Variants in CYB5RL observed in about 807,000 individuals in gnomAD.
The protein encoded by CYB5RL is NADH-cytochrome b5 reductase-like.
Under a neutral mutation model 37.5 loss-of-function variants are expected in CYB5RL, and 38 were observed. The ratio of observed to expected loss-of-function variants is 1.01; its 90% CI spans 0.78 to 1.33. CYB5RL has a LOEUF of 1.33. Among genes scored for constraint, CYB5RL ranks in the 40% most tolerant of loss-of-function variants. CYB5RL has a pLI of 0.00. For missense variants in CYB5RL, 388 were observed against 394.4 expected, an observed-to-expected ratio of 0.98 and a Z score of 0.14; for synonymous variants, 141 against 151.9, an observed-to-expected ratio of 0.93 and a Z score of 0.53.
At chr1:54,176,640 C>T (rs1209216875) in intron 7 of CYB5RL, among the ~76,000 whole-genome samples, 2 of 152,238 alleles carry the variant, frequency 1.3e-5, no homozygotes, top group African/African-American at 2.4e-5. Context: ...TATGGTCTGA[C>T]CCACCAGATG....
In CYB5RL at chr1:54,177,835, T is replaced by G. The variant is rs572169982; in HGVS notation, c.744+1314A>C. ...AGGTGAGCAGCCGGAGGGCTGGGAG[T>G]GGGTCACCTTCACTGTTGTGTGTCT... On this transcript the variant is annotated intron_variant, in intron 7 of 7. Transcript: ENST00000534324. 4.5e-3 allele frequency among the ~76,000 whole-genome samples: 678 copies of G among 152,152 alleles called. 4 individuals carry two copies. The highest frequency in any genetic ancestry group is 0.015 in the African/African-American group (641 of 41,498).
intron 3 of CYB5RL, 47 bp downstream of exon 3, chr1:54,195,372 A>C: frequency 6.6e-7 from 1 of 1,504,046 alleles, no homozygotes; most frequent in Admixed American, 2.1e-5. Context: ...GGCCAAGGCA[A>C]GTAGATTGTT....
chr1:54,189,065 C>T (rs1356012991), intron 4 of CYB5RL, among the ~76,000 whole-genome samples: 1 of 152,122 alleles, frequency 6.6e-6, no homozygotes, highest in Non-Finnish European at 1.5e-5. Flanking sequence ...TGCCTGTAGT[C>T]CCAGTTACTT....
chr1:54,182,769 T>G (rs894860348), intron 6 of CYB5RL, among the ~76,000 whole-genome samples: 14 of 152,178 alleles, frequency 9.2e-5, no homozygotes, highest in Non-Finnish European at 1.9e-4. Flanking sequence ...GCCAGGCTGG[T>G]CTCAAACTCC....
rs1644002803 is a variant in CYB5RL at position 54,195,749 on chromosome 1, G to T, written c.-99-34C>A. 4 of 1,022,376 alleles carry T rather than the reference G, an allele frequency of 3.9e-6. No homozygotes were observed. In the South Asian group the frequency reaches 5.5e-5, roughly 14 times the overall value. 63.3% of individuals were successfully genotyped at this position (1,022,376 alleles called of 1,614,324 possible). A position where few individuals can be genotyped will look rare whatever the true frequency, so the allele number is the denominator to read the frequency against. ...GGGAAAACATGGGGGTTATTCTCTG[G>T]TCTCCTCTATTCCTCACATTCTCCA... is the stretch of plus-strand genomic sequence containing the variant. On this transcript the variant is annotated intron_variant, in intron 2 of 7. Transcript: ENST00000534324.
rs1484275054 is a variant in CYB5RL, at chr1:54,174,592, G to A, written c.*27C>T. The A allele has an allele frequency of 3.2e-6, 5 of 1,586,368 alleles. No homozygotes were observed. In the African/African-American group the frequency reaches 5.4e-5, roughly 17 times the overall value. On this transcript the variant is annotated 3_prime_UTR_variant, in exon 8 of 8. Transcript: ENST00000534324. ...CCTGGGTCCCAGTAGCAGGCTCATG[G>A]CCTAGGCTTTGGAAGAGAGGCCAGG...
chr1:54,186,568 G>A (rs917357635), intron 5 of CYB5RL, among the ~76,000 whole-genome samples: 21 of 152,228 alleles, frequency 1.4e-4, no homozygotes, highest in African/African-American at 5.1e-4. Context: ...CAGCCTTGCA[G>A]CTGGGAGAGA....
intron 3 of CYB5RL, among the ~76,000 whole-genome samples, chr1:54,192,321 A>G (rs747739822): frequency 2.1e-4 from 32 of 151,492 alleles, no homozygotes; most frequent in Non-Finnish European, 4.3e-4. Flanking sequence ...GGTAACTGGG[A>G]TCACAGACAT....
chr1:54,199,557 C>G (rs1644055481), intron 1 of CYB5RL, among the ~76,000 whole-genome samples: 1 of 152,218 alleles, frequency 6.6e-6, no homozygotes. Context: ...CTCAGCGCAG[C>G]GCCTGACACA....
Position 54,191,000 on chromosome 1 carries a change from G to T in CYB5RL, c.199-104C>A, listed in dbSNP as rs1015982941. The T allele has an allele frequency of 3.4e-6, 5 of 1,453,994 alleles. No homozygotes were observed. The Admixed American group carries it at 7.4e-5, about 22-fold the overall frequency. 90.1% of individuals were successfully genotyped at this position (1,453,994 alleles called of 1,614,324 possible). Reference sequence around the variant, plus strand: ...CCCCAAGGAGAGGCTGTCTTGGCTCGGGAAGTTTCCTGTAAACTGGACACT... The same window carrying T: ...CCCCAAGGAGAGGCTGTCTTGGCTCTGGAAGTTTCCTGTAAACTGGACACT... On this transcript the variant is annotated intron_variant, in intron 3 of 7. Coordinates refer to ENST00000534324, the MANE Select transcript of CYB5RL (RefSeq NM_001031672.4).
At chr1:54,184,302 T>G (rs749873456) in intron 5 of CYB5RL, 37 bp from the exon 6 acceptor site, 4 of 1,567,522 alleles carry the variant, frequency 2.6e-6, no homozygotes, top group Non-Finnish European at 3.5e-6. Context: ...GCGGGACAGG[T>G]ACATGCTGCC....
chr1:54,187,976 TG>T (rs1195689172), intron 4 of CYB5RL: 4 of 490,904 alleles, frequency 8.1e-6, no homozygotes, highest in Non-Finnish European at 1.5e-5. Flanking sequence ...CCTGGGAGGC[TG>T]AGTCACATGA....
At chr1:54,181,296 G>A (rs1392496755) in intron 6 of CYB5RL, among the ~76,000 whole-genome samples, 1 of 152,204 alleles carries the variant, frequency 6.6e-6, no homozygotes, top group African/African-American at 2.4e-5. Context: ...GCCACACTGT[G>A]CTGCTGTCAC....
intron 4 of CYB5RL, chr1:54,190,412 T>G (rs533454782): frequency 3.7e-5 from 20 of 540,890 alleles, no homozygotes; most frequent in African/African-American, 3.2e-4. Flanking sequence ...TGTGTGACCT[T>G]GGCAAGTTTC....
intron 3 of CYB5RL, among the ~76,000 whole-genome samples, chr1:54,194,301 C>T (rs536752586): frequency 2.6e-5 from 4 of 151,286 alleles, no homozygotes; most frequent in East Asian, 3.9e-4. Context: ...ACCTGGGAGG[C>T]GGAGGTTGCA....
intron 3 of CYB5RL, among the ~76,000 whole-genome samples, chr1:54,193,327 C>T (rs1271083095): frequency 6.6e-6 from 1 of 152,152 alleles, no homozygotes; most frequent in African/African-American, 2.4e-5. Context: ...GGACGATATA[C>T]ACATAAGAGT....
At chr1:54,195,316 T>C (rs1643996504) in intron 3 of CYB5RL, 103 bp downstream of exon 3, 1 of 1,309,786 alleles carries the variant, frequency 7.6e-7, no homozygotes, top group African/African-American at 1.5e-5. Context: ...TACTCTTTTC[T>C]TCTGCTGTAC....
At chr1:54,189,570 T>A (rs1333265256) in intron 4 of CYB5RL, among the ~76,000 whole-genome samples, 1 of 152,176 alleles carries the variant, frequency 6.6e-6, no homozygotes, top group South Asian at 2.1e-4. Flanking sequence ...GGGTGCTACA[T>A]TGCCTCCATG....
At chr1:54,179,036 G>A in intron 7 of CYB5RL, 113 bp downstream of exon 7, 1 of 1,253,430 alleles carries the variant, frequency 8.0e-7, no homozygotes, top group Non-Finnish European at 1.1e-6. Context: ...ACCAGTGGCA[G>A]GGATTATGAC....
Sources: gnomAD v4.1 joint callset for allele counts (sites outside exome capture counted in the v4.1 genomes callset) on GRCh38, gnomAD v4.1.1 for gene constraint, MANE v1.5 for transcripts, NCBI Gene and HGNC (gene_info 2026-07-23, HGNC 2026-07-21) for gene names.